Variants in DIP2B observed in about 807,000 individuals in gnomAD.
DIP2B encodes the protein DIP2 acetate--CoA ligase B (putative).
Under a neutral mutation model 198.0 loss-of-function variants are expected in DIP2B, and 76 were observed. The observed-to-expected ratio is 0.38, with a 90% CI of 0.32 to 0.46. DIP2B has a LOEUF of 0.46. DIP2B is among the 20% of genes least tolerant of loss of function. The probability of loss-of-function intolerance (pLI) is 0.99; values close to 1 mark genes in which losing one functional copy is unlikely to be tolerated. For synonymous variants in DIP2B, 701 were observed against 739.1 expected (o/e 0.95, Z 0.84); for missense variants, 1,559 against 1,978.4 (o/e 0.79, Z 4.02).
intron 1 of DIP2B, among the ~76,000 whole-genome samples, chr12:50,530,707 G>A (rs1958209644): frequency 6.6e-6 from 1 of 152,208 alleles, no homozygotes. Flanking sequence ...TACGAGACTA[G>A]TATGGAGGAG....
intron 1 of DIP2B, among the ~76,000 whole-genome samples, chr12:50,538,081 G>A (rs1423559323): frequency 6.6e-6 from 1 of 152,108 alleles, no homozygotes; most frequent in Admixed American, 6.6e-5. Flanking sequence ...GTCTTCATAG[G>A]GCTAAGGGAA....
intron 21 of DIP2B, among the ~76,000 whole-genome samples, chr12:50,707,630 A>G (rs1388471086): frequency 6.6e-6 from 1 of 152,198 alleles, no homozygotes; most frequent in African/African-American, 2.4e-5. Context: ...TGAAGCTCAC[A>G]TGCTTGTTGT....
At chr12:50,645,862 G>A (rs955635586) in intron 3 of DIP2B, among the ~76,000 whole-genome samples, 1 of 151,862 alleles carries the variant, frequency 6.6e-6, no homozygotes, top group Admixed American at 6.6e-5. Context: ...GCATTATTAT[G>A]TTATAGTAAT....
chr12:50,710,810 G>A (rs545719740), intron 22 of DIP2B, among the ~76,000 whole-genome samples: 5 of 152,166 alleles, frequency 3.3e-5, no homozygotes, highest in African/African-American at 9.6e-5. Flanking sequence ...ATTTGTAGTA[G>A]AAAATCAGAA....
At chr12:50,700,181 T>G (rs935633942) in intron 19 of DIP2B, among the ~76,000 whole-genome samples, 2 of 152,210 alleles carry the variant, frequency 1.3e-5, no homozygotes, top group Admixed American at 6.5e-5. Context: ...CACGTTCTTG[T>G]GGGGCCAGCA....
At chr12:50,659,074 G>A (rs937833826) in intron 3 of DIP2B, among the ~76,000 whole-genome samples, 10 of 152,086 alleles carry the variant, frequency 6.6e-5, no homozygotes, top group Non-Finnish European at 1.5e-4. Context: ...GCGACAGAGC[G>A]ACACTCCATC....
chr12:50,687,010 G>A (rs1271278424), intron 12 of DIP2B: 2 of 200,788 alleles, frequency 1.0e-5, no homozygotes, highest in South Asian at 1.4e-4. Flanking sequence ...AGAGGTTGGG[G>A]GTAAGAGAAC....
chr12:50,713,257 T>C (rs1939652337), intron 22 of DIP2B, among the ~76,000 whole-genome samples: 1 of 152,194 alleles, frequency 6.6e-6, no homozygotes. Flanking sequence ...CTGGTTTTAT[T>C]TTCTGTAAGT....
intron 1 of DIP2B, among the ~76,000 whole-genome samples, chr12:50,537,261 G>C (rs924836787): frequency 1.5e-5 from 2 of 133,408 alleles, no homozygotes; most frequent in African/African-American, 5.5e-5. Context: ...GCACCTGCCA[G>C]ATTGCTTTAT....
intron 1 of DIP2B, among the ~76,000 whole-genome samples, chr12:50,516,974 C>T (rs1485288235): frequency 4.6e-5 from 7 of 151,922 alleles, no homozygotes; most frequent in East Asian, 3.9e-4. Flanking sequence ...CCAGCCTGGG[C>T]GACAGAGCAA....
intron 33 of DIP2B, 69 bp from the exon 34 acceptor site, chr12:50,735,004 C>T (rs117675836): frequency 0.011 from 16,757 of 1,570,906 alleles, 123 homozygotes; most frequent in Non-Finnish European, 0.013. Flanking sequence ...AAGGCAGCAC[C>T]GAGCTGCAGG....
At chr12:50,527,504 A>G (rs1223001663) in intron 1 of DIP2B, among the ~76,000 whole-genome samples, 2 of 152,192 alleles carry the variant, frequency 1.3e-5, no homozygotes, top group African/African-American at 4.8e-5. Context: ...CATCTTAATA[A>G]CTAAGATTAT....
intron 1 of DIP2B, among the ~76,000 whole-genome samples, chr12:50,554,965 C>T (rs1958457486): frequency 6.6e-6 from 1 of 150,444 alleles, no homozygotes; most frequent in Non-Finnish European, 1.5e-5. Context: ...ATGGGGGTTT[C>T]ACCGTGTTGG....
chr12:50,579,717 A>C (rs868866474), intron 1 of DIP2B, among the ~76,000 whole-genome samples: 2 of 111,472 alleles, frequency 1.8e-5, no homozygotes, highest in African/African-American at 3.3e-5. Context: ...ATATATATAT[A>C]TACATAGCTT....
intron 1 of DIP2B, among the ~76,000 whole-genome samples, chr12:50,613,181 G>A (rs1349349334): frequency 6.6e-6 from 1 of 152,214 alleles, no homozygotes; most frequent in East Asian, 1.9e-4. Context: ...CTCTCACAGT[G>A]TTGTGTCCTT....
rs1244159701 is a variant in DIP2B, at chr12:50,708,470, G to A, written c.2557G>A (p.Val853Ile). The A allele has an allele frequency of 4.4e-6, 7 of 1,603,850 alleles. No individual in the cohort carries two copies. The highest frequency in any genetic ancestry group is 5.1e-6 in the Non-Finnish European group (6 of 1,174,448). Residue 853 changes from valine (V) to isoleucine (I), a missense_variant, in exon 22 of 38, where the codon GTA becomes ATA. Transcript: ENST00000301180. Reference sequence around the variant, plus strand: ...TAGAATTGCTGTGTTTTCTGTGTCTGTATTTTATGATGAGCGCATTGTGGT... The same window carrying A: ...TAGAATTGCTGTGTTTTCTGTGTCTATATTTTATGATGAGCGCATTGTGGT... ...RGRIAVFSVS[V>I]FYDERIVVVA...
intron 1 of DIP2B, among the ~76,000 whole-genome samples, chr12:50,594,159 G>T (rs1273401853): frequency 6.6e-6 from 1 of 150,896 alleles, no homozygotes; most frequent in Non-Finnish European, 1.5e-5. Context: ...GGCTGGGCTG[G>T]TCTCGAATTC....
intron 2 of DIP2B, among the ~76,000 whole-genome samples, chr12:50,639,623 T>C (rs1436520093): frequency 6.6e-6 from 1 of 152,028 alleles, no homozygotes; most frequent in Non-Finnish European, 1.5e-5. Flanking sequence ...TTTTGCTTTA[T>C]AGGCTGATTC....
At chr12:50,516,950 C>A (rs141736802) in intron 1 of DIP2B, among the ~76,000 whole-genome samples, 7 of 151,598 alleles carry the variant, frequency 4.6e-5, no homozygotes, top group South Asian at 4.2e-4. Flanking sequence ...GAGCCAAGAT[C>A]GTGCCACTGC....
Sources: allele counts gnomAD v4.1 joint callset (sites outside exome capture counted in the v4.1 genomes callset), GRCh38; gene constraint gnomAD v4.1.1; transcripts MANE v1.5; gene names NCBI Gene and HGNC (gene_info 2026-07-23, HGNC 2026-07-21).